Variants in PCNT observed in about 807,000 individuals in gnomAD.
The protein encoded by PCNT is kendrin.
In PCNT, 319 loss-of-function variants were observed where a neutral mutation model predicts 380.4. The ratio of observed to expected loss-of-function variants is 0.84; its 90% CI spans 0.77 to 0.92. The LOEUF is 0.92. PCNT is among the 40% of genes least tolerant of loss of function. The pLI, the probability that PCNT is intolerant of heterozygous loss-of-function variation, is 0.00. For missense variants in PCNT, 4,400 were observed against 4,255.3 expected, an observed-to-expected ratio of 1.03 and a Z score of -0.95; for synonymous variants, 1,845 against 1,735.2, an observed-to-expected ratio of 1.06 and a Z score of -1.57.
Position 46,349,714 on chromosome 21 carries a change from A to G in PCNT, c.1238A>G (p.Gln413Arg). The G allele has an allele frequency of 6.2e-7, 1 of 1,614,038 alleles. No homozygotes were observed. The highest frequency in any genetic ancestry group is 8.5e-7 in the Non-Finnish European group (1 of 1,179,936). Residue 413 changes from glutamine (Q) to arginine (R), a missense_variant, in exon 8 of 47, where the codon CAA (glutamine) becomes CGA (arginine). Coordinates refer to ENST00000359568, the MANE Select transcript of PCNT (RefSeq NM_006031.6). Reference sequence around the variant, plus strand: ...CTTAGGAACCTGGAGAGTCATCATCAAGCAGCCATTGAGAAGTTACGTGAA... The same window carrying G: ...CTTAGGAACCTGGAGAGTCATCATCGAGCAGCCATTGAGAAGTTACGTGAA... ...RALRNLESHH[Q>R]AAIEKLREDL...
chr21:46,350,515 C>G (rs2084228550), intron 8 of PCNT, among the ~76,000 whole-genome samples: 1 of 152,194 alleles, frequency 6.6e-6, no homozygotes, highest in African/African-American at 2.4e-5. Flanking sequence ...GGAGGCCTGA[C>G]AAACCTGAGA....
chr21:46,381,303 A>G (rs1328771977), intron 15 of PCNT, among the ~76,000 whole-genome samples: 1 of 151,102 alleles, frequency 6.6e-6, no homozygotes, highest in Non-Finnish European at 1.5e-5. Flanking sequence ...AAGAAGGTTT[A>G]ATCTTTTAAA....
At position 46,353,130 on chromosome 21, in the gene PCNT, A is replaced by G. The variant is rs2084338403; in HGVS notation, c.1483A>G (p.Thr495Ala). The G allele has an allele frequency of 4.3e-6, 7 of 1,613,876 alleles. No individual in the cohort carries two copies. The highest frequency in any genetic ancestry group is 4.0e-5 in the African/African-American group (3 of 74,984). The change falls in exon 10 of 47, where the codon ACC becomes GCC. Residue 495 changes from threonine (T) to alanine (A), a missense_variant. By Grantham distance (58) the Thr-to-Ala change is moderately conservative. Coordinates refer to ENST00000359568, the MANE Select transcript of PCNT (RefSeq NM_006031.6). ...SELHEQLLAR[T>A]SRVEDLEQLK... The stretch of plus-strand genomic sequence containing the variant: ...GCTACATGAGCAACTCCTGGCGCGC[A>G]CCTCTCGTGTGGAAGATTTAGAACA...
chr21:46,356,512 G>A (rs1311116160), intron 12 of PCNT, among the ~76,000 whole-genome samples: 2 of 152,232 alleles, frequency 1.3e-5, no homozygotes, highest in East Asian at 3.8e-4. Flanking sequence ...TGGGGGTAGC[G>A]TGCCTGGGCA....
intron 1 of PCNT, among the ~76,000 whole-genome samples, 157 bp downstream of exon 1, chr21:46,324,439 CT>C (rs1195939652): frequency 6.6e-6 from 1 of 151,890 alleles, no homozygotes; most frequent in Non-Finnish European, 1.5e-5. Flanking sequence ...AAGCCGCCTC[CT>C]GGCCGCCGCC....
At chr21:46,351,041 G>A (rs1030331845) in intron 8 of PCNT, among the ~76,000 whole-genome samples, 2 of 152,172 alleles carry the variant, frequency 1.3e-5, no homozygotes, top group African/African-American at 4.8e-5. Context: ...GGGAGTCTTG[G>A]GTACTGTGGG....
At chr21:46,325,234 T>G in intron 1 of PCNT, 1 of 978,192 alleles carries the variant, frequency 1.0e-6, no homozygotes, top group Non-Finnish European at 1.2e-6. Context: ...CCCCCCAGGA[T>G]GTTCTGGCTG....
chr21:46,419,708 CAG>C (rs933669378), intron 31 of PCNT, among the ~76,000 whole-genome samples: 30 of 152,352 alleles, frequency 2.0e-4, no homozygotes, highest in African/African-American at 6.0e-4. Flanking sequence ...CAACAACTCT[CAG>C]GGGCTCCCAG....
intron 15 of PCNT, among the ~76,000 whole-genome samples, chr21:46,374,451 G>A (rs1327320846): frequency 6.6e-6 from 1 of 152,158 alleles, no homozygotes; most frequent in Non-Finnish European, 1.5e-5. Flanking sequence ...GTTCCTGCAA[G>A]CGTGTTGGTA....
In PCNT at chr21:46,412,967, G is replaced by T. The variant is rs149264703; in HGVS notation, c.6125G>T (p.Arg2042Leu). ...CTGCTCTTGGTGAAAAATGAAATGC[G>T]CCTGAGTCTGGAGGACGGCGGCAAG... ...SELLLVKNEM[R>L]LSLEDGGKGK... is the part of the protein sequence containing the mutation. Residue 2042 changes from arginine to leucine, a missense_variant, in exon 29 of 47, where the codon CGC becomes CTC. By Grantham distance (102) the Arg-to-Leu change is moderately radical (BLOSUM62 -2). Transcript: ENST00000359568. 1.2e-6 allele frequency: 2 copies of T among 1,610,340 alleles called. No homozygotes were observed. Among genetic ancestry groups the T allele is most frequent in the Admixed American group, 3.3e-5 (2 of 60,028 alleles).
chr21:46,413,001 A>T lies in PCNT; in HGVS notation c.6150+9A>T, dbSNP rs1005430496. On this transcript the variant is annotated intron_variant, in intron 29 of 46. Coordinates refer to ENST00000359568, the MANE Select transcript of PCNT (RefSeq NM_006031.6). The stretch of plus-strand genomic sequence containing the variant: ...TGGAGGACGGCGGCAAGGTGTGGGG[A>T]GGGGGGAAGGCGCGAGGTCCCCCCG... 9.4e-6 allele frequency: 15 copies of T among 1,603,486 alleles called. No individual in the cohort carries two copies. The highest frequency in any genetic ancestry group is 1.3e-5 in the Non-Finnish European group (15 of 1,178,994).
intron 13 of PCNT, among the ~76,000 whole-genome samples, chr21:46,359,480 G>GGTTTTTTTTTTTTT (rs2084608624): frequency 1.5e-5 from 1 of 65,730 alleles, no homozygotes; most frequent in African/African-American, 4.5e-5. Flanking sequence ...AAATACACCT[G>GGTTTTTTTTTTTTT]TTTTTTTTTT....
rs781519156 is a variant in PCNT, at chr21:46,438,356, C to G, written c.9273+19C>G. The stretch of plus-strand genomic sequence containing the variant: ...CCCAAGCGTAGGTGTCTGTGCTTAA[C>G]TCTTACCTGCCTCAGCCTAACCCAC... On this transcript the variant is annotated intron_variant, in intron 41 of 46. Transcript: ENST00000359568. 8.1e-6 allele frequency: 13 copies of G among 1,611,686 alleles called. No homozygotes were observed. The highest frequency in any genetic ancestry group is 1.0e-5 in the Non-Finnish European group (12 of 1,178,282).
intron 29 of PCNT, among the ~76,000 whole-genome samples, chr21:46,414,531 C>G (rs1402282399): frequency 1.3e-5 from 2 of 148,590 alleles, no homozygotes; most frequent in South Asian, 2.2e-4. Context: ...CCACCCTGCT[C>G]CTCCTCCTCC....
In PCNT at chr21:46,385,992, G is replaced by A. The variant is rs369039047; in HGVS notation, c.3464+9G>A. The A allele has an allele frequency of 1.2e-6, 2 of 1,613,730 alleles. No individual in the cohort carries two copies. Among genetic ancestry groups the A allele is most frequent in the African/African-American group, 2.7e-5 (2 of 74,938 alleles). On this transcript the variant is annotated intron_variant, in intron 17 of 46. Transcript: ENST00000359568. ...CTGTCCCACAGCGAAAGGTCAGTGT[G>A]TCCTCGGCACCGAGGCTGCCTTGTG... is the stretch of plus-strand genomic sequence containing the variant.
Position 46,326,590 on chromosome 21 carries a change from G to A in PCNT, c.267+1G>A. On this transcript the variant is annotated splice_donor_variant, in intron 2 of 46. Transcript: ENST00000359568. LOFTEE classifies it high-confidence loss of function. ...GGCAGGAGGGGCCTTTGCAGCTCAG[G>A]TAGATTTGCTCAATGTTGTATTTGA... 2.5e-6 allele frequency: 4 copies of A among 1,613,510 alleles called. No individual in the cohort carries two copies. The highest frequency in any genetic ancestry group is 3.4e-6 in the Non-Finnish European group (4 of 1,179,472).
chr21:46,334,491 C>T lies in PCNT; in HGVS notation c.362C>T (p.Thr121Ile), dbSNP rs2083666166. Reference sequence around the variant, plus strand: ...CCTCCAGAGCAGTGTGGGATGTTCACAGTCAGTGACCACCCACCAGAACAG... The same window carrying T: ...CCTCCAGAGCAGTGTGGGATGTTCATAGTCAGTGACCACCCACCAGAACAG... ...DHPPEQCGMF[T>I]VSDHPPEQHG... The change falls in exon 3 of 47, where the codon ACA (threonine) becomes ATA (isoleucine). Residue 121 changes from threonine (T) to isoleucine (I), a missense_variant. Coordinates refer to ENST00000359568, the MANE Select transcript of PCNT (RefSeq NM_006031.6). 1.9e-6 allele frequency: 3 copies of T among 1,612,862 alleles called. No homozygotes were observed. In the South Asian group the frequency reaches 3.3e-5, roughly 18 times the overall value.
rs78740931 is a variant in PCNT at position 46,410,970 on chromosome 21, C to T, written c.5116-219C>T. On this transcript the variant is annotated intron_variant, in intron 27 of 46. Coordinates refer to ENST00000359568, the MANE Select transcript of PCNT (RefSeq NM_006031.6). Reference sequence around the variant, plus strand: ...ATGACTGCATTAGAGCTTCGTCCCACGATCAGACGTGGAGCACAAGGTGTG... The same window carrying T: ...ATGACTGCATTAGAGCTTCGTCCCATGATCAGACGTGGAGCACAAGGTGTG... 0.047 allele frequency among the ~76,000 whole-genome samples: 7,142 copies of T among 152,324 alleles called. 220 individuals carry two copies. Among genetic ancestry groups the T allele is most frequent in the Non-Finnish European group, 0.063 (4,285 of 68,036 alleles).
intron 1 of PCNT, chr21:46,325,297 C>T (rs2083342441): frequency 1.3e-6 from 1 of 769,116 alleles, no homozygotes; most frequent in Non-Finnish European, 1.6e-6. Flanking sequence ...GGACGCGGGG[C>T]TAGGCCGGGG....
Sources: allele counts gnomAD v4.1 joint callset (sites outside exome capture counted in the v4.1 genomes callset), GRCh38; gene constraint gnomAD v4.1.1; transcripts MANE v1.5; gene names NCBI Gene and HGNC (gene_info 2026-07-23, HGNC 2026-07-21).